KATNAL1: variants seen among roughly 807,000 people sequenced by gnomAD.
The protein encoded by KATNAL1 is katanin p60 ATPase-containing subunit A-like 1.
In KATNAL1, 32 loss-of-function variants were observed where a neutral mutation model predicts 55.2. That is an observed-to-expected ratio of 0.58 (90% CI 0.44 to 0.78). The LOEUF is 0.78. Among genes scored for constraint, KATNAL1 ranks in the 30% least tolerant of loss-of-function variants. The pLI is 0.00. For synonymous variants in KATNAL1, 193 were observed against 193.6 expected, an observed-to-expected ratio of 1.00 and a Z score of 0.02; for missense variants, 466 against 600.9, an observed-to-expected ratio of 0.78 and a Z score of 2.35.
intron 10 of KATNAL1, among the ~76,000 whole-genome samples, chr13:30,210,074 C>T (rs1417453862): frequency 6.6e-6 from 1 of 152,066 alleles, no homozygotes; most frequent in Non-Finnish European, 1.5e-5. Context: ...AAGCCACCGA[C>T]ACAACAATTT....
intron 1 of KATNAL1, among the ~76,000 whole-genome samples, chr13:30,292,298 A>C (rs975113719): frequency 6.6e-6 from 1 of 152,188 alleles, no homozygotes; most frequent in African/African-American, 2.4e-5. Context: ...AAATTAACTC[A>C]AATGGATTAC....
At chr13:30,269,327 A>G (rs374438026) in intron 3 of KATNAL1, among the ~76,000 whole-genome samples, 2 of 152,122 alleles carry the variant, frequency 1.3e-5, no homozygotes, top group African/African-American at 2.4e-5. Context: ...CGAGTGATCC[A>G]CCAGCCTCGG....
intron 1 of KATNAL1, among the ~76,000 whole-genome samples, chr13:30,295,497 C>G (rs1882421250): frequency 6.6e-6 from 1 of 152,120 alleles, no homozygotes; most frequent in Non-Finnish European, 1.5e-5. Flanking sequence ...GGCACAGTGG[C>G]TCACACCCGT....
At chr13:30,281,610 C>T (rs1381858205) in intron 2 of KATNAL1, among the ~76,000 whole-genome samples, 2 of 152,022 alleles carry the variant, frequency 1.3e-5, no homozygotes. Flanking sequence ...GTCAAATTTA[C>T]CCTCAAAACT....
intron 6 of KATNAL1, among the ~76,000 whole-genome samples, chr13:30,239,683 TGA>T (rs1237602415): frequency 9.1e-5 from 10 of 109,948 alleles, no homozygotes; most frequent in Admixed American, 2.8e-4. Context: ...GATACAGAAG[TGA>T]TTTTTTTTTT....
intron 6 of KATNAL1, among the ~76,000 whole-genome samples, chr13:30,234,100 G>A (rs995180612): frequency 6.6e-5 from 10 of 152,078 alleles, no homozygotes; most frequent in African/African-American, 2.4e-4. Context: ...AAAGGTGGTG[G>A]ATATCCCATT....
Position 30,205,251 on chromosome 13 carries a change from A to C in KATNAL1, c.*3289T>G, listed in dbSNP as rs1027068773. 2.8e-4 allele frequency: 43 copies of C among 152,340 alleles called. No homozygotes were observed. Among genetic ancestry groups the C allele is most frequent in the African/African-American group, 1.0e-3 (43 of 41,576 alleles). The allele number at this position is 152,340 out of a possible 1,614,324, so 9.4% of individuals were successfully genotyped here. A position where few individuals can be genotyped will look rare whatever the true frequency, so the allele number is the denominator to read the frequency against. ...ATCTAAACTCTTGTTTCAGTAGTAGAAGCCAGAAGCTATACAGAGTCGTTA... is the reference window on the plus strand; with the variant it reads ...ATCTAAACTCTTGTTTCAGTAGTAGCAGCCAGAAGCTATACAGAGTCGTTA... On this transcript the variant is annotated 3_prime_UTR_variant, in exon 11 of 11. Coordinates refer to ENST00000380615, the MANE Select transcript of KATNAL1 (RefSeq NM_032116.5).
At chr13:30,227,337 A>G in intron 9 of KATNAL1, 75 bp downstream of exon 9, 1 of 1,417,180 alleles carries the variant, frequency 7.1e-7, no homozygotes, top group Non-Finnish European at 9.7e-7. Flanking sequence ...CAGAATGGCA[A>G]TGGAATAAAG....
At chr13:30,256,484 G>T (rs999280918) in intron 3 of KATNAL1, among the ~76,000 whole-genome samples, 2 of 151,980 alleles carry the variant, frequency 1.3e-5, no homozygotes, top group African/African-American at 4.8e-5. Flanking sequence ...GTATGTATCT[G>T]TAGCCCTCTA....
At chr13:30,269,994 C>T (rs1352809295) in intron 3 of KATNAL1, among the ~76,000 whole-genome samples, 1 of 148,710 alleles carries the variant, frequency 6.7e-6, no homozygotes, top group African/African-American at 2.5e-5. Context: ...GCCCCTCTGC[C>T]CGGCCAGCCG....
intron 4 of KATNAL1, among the ~76,000 whole-genome samples, chr13:30,243,369 C>T (rs1358409290): frequency 2.0e-5 from 3 of 152,064 alleles, no homozygotes; most frequent in Non-Finnish European, 4.4e-5. Flanking sequence ...ATGTTTCTTA[C>T]ATTTTACTAT....
In KATNAL1 at chr13:30,204,010, G is replaced by A. The variant is rs1012190520; in HGVS notation, c.*4530C>T. ...TAGTGGAGATGACAGTAAAACATTC[G>A]AGGCTTAAATATTTTTACCCCCCTA... On this transcript the variant is annotated 3_prime_UTR_variant, in exon 11 of 11. Transcript: ENST00000380615. 5 of 151,990 alleles carry A rather than the reference G, an allele frequency of 3.3e-5. No homozygotes were observed. The highest frequency in any genetic ancestry group is 7.2e-5 in the African/African-American group (3 of 41,384). 9.4% of individuals were successfully genotyped at this position (151,990 alleles called of 1,614,324 possible). A position where few individuals can be genotyped will look rare whatever the true frequency, so the allele number is the denominator to read the frequency against.
At chr13:30,251,968 C>G (rs1300215472) in intron 4 of KATNAL1, among the ~76,000 whole-genome samples, 2 of 152,092 alleles carry the variant, frequency 1.3e-5, no homozygotes, top group Admixed American at 1.3e-4. Flanking sequence ...TAACCTGAAG[C>G]CTGTCAGTAA....
chr13:30,249,670 A>C (rs1398990585), intron 4 of KATNAL1, among the ~76,000 whole-genome samples: 2 of 152,238 alleles, frequency 1.3e-5, no homozygotes, highest in Admixed American at 1.3e-4. Context: ...AAATGGGCAT[A>C]ATTAATTTAT....
intron 3 of KATNAL1, among the ~76,000 whole-genome samples, chr13:30,262,845 G>C (rs1365353205): frequency 6.6e-6 from 1 of 151,904 alleles, no homozygotes; most frequent in African/African-American, 2.4e-5. Flanking sequence ...TAGAAAAAGA[G>C]GGAATCCTCC....
At chr13:30,301,769 TAATTA>T (rs1882870481) in intron 1 of KATNAL1, among the ~76,000 whole-genome samples, 1 of 152,266 alleles carries the variant, frequency 6.6e-6, no homozygotes, top group Admixed American at 6.5e-5. Context: ...GTTGCCTATA[TAATTA>T]AATACTACTT....
chr13:30,282,640 TAA>T (rs1193595169), intron 2 of KATNAL1, among the ~76,000 whole-genome samples: 13 of 130,034 alleles, frequency 1.0e-4, no homozygotes, highest in Admixed American at 7.7e-5. Flanking sequence ...CCTGTCTCTT[TAA>T]AAAAAAAAAA....
At position 30,206,840 on chromosome 13, in the gene KATNAL1, A is replaced by T. The variant is rs191599525; in HGVS notation, c.*1700T>A. 7.2e-5 allele frequency: 11 copies of T among 152,286 alleles called. No homozygotes were observed. In the East Asian group the frequency reaches 2.1e-3, roughly 29 times the overall value. The allele number at this position is 152,286 out of a possible 1,614,324, so 9.4% of individuals were successfully genotyped here. A position where few individuals can be genotyped will look rare whatever the true frequency, so the allele number is the denominator to read the frequency against. On this transcript the variant is annotated 3_prime_UTR_variant, in exon 11 of 11. Transcript: ENST00000380615. ...TTATTTCTTTATTTTAAAAGTTAAT[A>T]AAAGGAAACCTCTCAATTTTTAGGA...
At chr13:30,210,478 T>C (rs751385512) in intron 9 of KATNAL1, 36 bp from the exon 10 acceptor site, 2 of 1,569,242 alleles carry the variant, frequency 1.3e-6, no homozygotes. Flanking sequence ...TTAGATGTTT[T>C]ACTTTACAAA....
Sources: gnomAD v4.1 joint callset for allele counts (sites outside exome capture counted in the v4.1 genomes callset) on GRCh38, gnomAD v4.1.1 for gene constraint, MANE v1.5 for transcripts, NCBI Gene and HGNC (gene_info 2026-07-23, HGNC 2026-07-21) for gene names.